The following GFRA2 variants were observed in gnomAD, a reference collection of about 807,000 sequenced individuals.
GFRA2 encodes the protein GDNF family receptor alpha 2.
GFRA2 carries 17 observed loss-of-function variants against 48.3 expected under a neutral mutation model. That is an observed-to-expected ratio of 0.35 (90% CI 0.24 to 0.53). GFRA2 has a LOEUF of 0.53. Among genes scored for constraint, GFRA2 ranks in the 20% least tolerant of loss-of-function variants. The pLI is 0.93. For missense variants in GFRA2, 660 were observed against 637.3 expected (o/e 1.04, Z -0.38); for synonymous variants, 305 against 257.2 (o/e 1.19, Z -1.78).
chr8:21,725,443 G>A (rs921392540), intron 4 of GFRA2, among the ~76,000 whole-genome samples: 11 of 152,102 alleles, frequency 7.2e-5, no homozygotes, highest in African/African-American at 2.7e-4. Context: ...TGCTGAGCCA[G>A]CCCAGACACT....
At chr8:21,791,358 C>CA (rs1398409330), upstream of GFRA2, among the ~76,000 whole-genome samples, 8 of 152,058 alleles carry the variant, frequency 5.3e-5, no homozygotes, top group Admixed American at 1.3e-4. Flanking sequence ...TAGAGAACAC[C>CA]AATCAGTCAC....
At position 21,788,095 on chromosome 8, in the gene GFRA2, G is replaced by A. The variant is rs925092090; in HGVS notation, c.40+25C>T. 74 of 757,316 alleles carry A rather than the reference G, an allele frequency of 9.8e-5. No individual in the cohort carries two copies. In the African/African-American group the frequency reaches 1.5e-3, roughly 15 times the overall value. The allele number at this position is 757,316 out of a possible 1,614,324, so 46.9% of individuals were successfully genotyped here. ...CTCCCCGGCTTCTCGCCTCCCCCTC[G>A]AGCTCGCCGCCCGCAGGTACTCACC... On this transcript the variant is annotated intron_variant, in intron 1 of 8. Coordinates refer to ENST00000524240, the MANE Select transcript of GFRA2 (RefSeq NM_001495.5).
At chr8:21,736,541 G>A (rs1804473256) in intron 4 of GFRA2, among the ~76,000 whole-genome samples, 1 of 151,910 alleles carries the variant, frequency 6.6e-6, no homozygotes, top group South Asian at 2.1e-4. Flanking sequence ...CTGTTGCTGG[G>A]CTGCAATGCA....
At chr8:21,732,810 A>G (rs1242187582) in intron 4 of GFRA2, among the ~76,000 whole-genome samples, 8 of 152,222 alleles carry the variant, frequency 5.3e-5, no homozygotes, top group Non-Finnish European at 1.2e-4. Flanking sequence ...TTCAACACAT[A>G]AGAATAGCTC....
chr8:21,801,087 T>C (rs1807761993), intron 2 of GFRA2, among the ~76,000 whole-genome samples: 1 of 151,908 alleles, frequency 6.6e-6, no homozygotes, highest in Non-Finnish European at 1.5e-5. Context: ...GACAACTCAT[T>C]AAAACAAATC....
chr8:21,802,181 C>T (rs1388548196), intron 2 of GFRA2, among the ~76,000 whole-genome samples: 1 of 152,240 alleles, frequency 6.6e-6, no homozygotes, highest in East Asian at 1.9e-4. Context: ...CCTGATTCTG[C>T]CACTTTCTAG....
chr8:21,780,999 T>G (rs1034677702), intron 2 of GFRA2: 4 of 152,056 alleles, frequency 2.6e-5, no homozygotes, highest in Non-Finnish European at 5.9e-5. Flanking sequence ...GGTAGCTCAC[T>G]CCTGTAATCC....
At position 21,750,989 on chromosome 8, in the gene GFRA2, G is replaced by A. The variant is rs374449274; in HGVS notation, c.440-47C>T. 1.5e-6 allele frequency: 2 copies of A among 1,294,642 alleles called. No individual in the cohort carries two copies. Among genetic ancestry groups the A allele is most frequent in the South Asian group, 1.3e-5 (1 of 76,792 alleles). 80.2% of individuals were successfully genotyped at this position (1,294,642 alleles called of 1,614,324 possible). On this transcript the variant is annotated intron_variant, in intron 3 of 8. Coordinates refer to ENST00000524240, the MANE Select transcript of GFRA2 (RefSeq NM_001495.5). This position sits in a 1 kb window ranked among gnomAD's most constrained non-coding sequence, Gnocchi z 5.7. Reference sequence around the variant, plus strand: ...AGGTCAGAGGCCACACAAGCATGAGGAGGACACAGCTGCCCCCTCACTGGA... The same window carrying A: ...AGGTCAGAGGCCACACAAGCATGAGAAGGACACAGCTGCCCCCTCACTGGA...
intron 4 of GFRA2, among the ~76,000 whole-genome samples, chr8:21,721,781 G>C (rs1044948857): frequency 6.6e-6 from 1 of 152,140 alleles, no homozygotes; most frequent in Non-Finnish European, 1.5e-5. Context: ...GTGGGCTGGA[G>C]CCTGCCCACC....
chr8:21,786,609 A>C (rs1807280233), intron 1 of GFRA2, among the ~76,000 whole-genome samples: 1 of 152,132 alleles, frequency 6.6e-6, no homozygotes. Context: ...TTCCTAGAGG[A>C]GCCCCTCCCA....
rs1426658366 is a variant in GFRA2, at chr8:21,691,838, G to C, written c.*1440C>G. ...CCCCCAGTGTCAAACCAGCTCCTAA[G>C]AGAGCTCCATCTACACACAATGTGG... is the stretch of plus-strand genomic sequence containing the variant. On this transcript the variant is annotated 3_prime_UTR_variant, in exon 9 of 9. Transcript: ENST00000524240. The C allele has an allele frequency of 6.6e-6, 1 of 151,774 alleles. No individual in the cohort carries two copies. The highest frequency in any genetic ancestry group is 1.5e-5 in the Non-Finnish European group (1 of 67,952). The allele number at this position is 151,774 out of a possible 1,614,324, so 9.4% of individuals were successfully genotyped here.
intron 3 of GFRA2, among the ~76,000 whole-genome samples, chr8:21,759,397 AAAGG>A (rs1385081075): frequency 8.2e-5 from 11 of 133,642 alleles, no homozygotes; most frequent in African/African-American, 2.7e-4. Flanking sequence ...AAAAAGAAAG[AAAGG>A]AAGAGAGAGA....
intron 8 of GFRA2, among the ~76,000 whole-genome samples, 185 bp from the exon 9 acceptor site, chr8:21,693,585 C>A (rs1801980987): frequency 6.6e-6 from 1 of 152,008 alleles, no homozygotes; most frequent in Non-Finnish European, 1.5e-5. Context: ...CCGGAGCTGG[C>A]CCAGGCAGGA....
At position 21,777,434 on chromosome 8, in the gene GFRA2, G is replaced by A. The variant is rs1012498372; in HGVS notation, c.356-2379C>T. Among the ~76,000 whole-genome samples the A allele has an allele frequency of 7.2e-5, 11 of 152,116 alleles. No homozygotes were observed. In the East Asian group the frequency reaches 7.7e-4, roughly 11 times the overall value. Reference sequence around the variant, plus strand: ...TGGCAGGGTGGGGACAGCCTCTTCCGGAACTGATTTGGAGGGGCCCAGCCT... The same window carrying A: ...TGGCAGGGTGGGGACAGCCTCTTCCAGAACTGATTTGGAGGGGCCCAGCCT... On this transcript the variant is annotated intron_variant, in intron 2 of 8. Transcript: ENST00000524240.
chr8:21,793,315 T>G (rs1225536878), upstream of GFRA2, among the ~76,000 whole-genome samples: 1 of 151,944 alleles, frequency 6.6e-6, no homozygotes, highest in East Asian at 1.9e-4. Context: ...AGGGGCCAAT[T>G]AGGAGGTGAT....
rs374075907 is a variant in GFRA2, at chr8:21,748,821, C to T, written c.794+1767G>A. Reference sequence around the variant, plus strand: ...TCCCCATTTCTCCAACAGCCTCCCCCGACTTGCCTCCCATCACGGCCCACT... The same window carrying T: ...TCCCCATTTCTCCAACAGCCTCCCCTGACTTGCCTCCCATCACGGCCCACT... On this transcript the variant is annotated intron_variant, in intron 4 of 8. Coordinates refer to ENST00000524240, the MANE Select transcript of GFRA2 (RefSeq NM_001495.5). Among the ~76,000 whole-genome samples, 29 of 152,326 alleles carry T rather than the reference C, an allele frequency of 1.9e-4. 1 individual carries two copies. Among genetic ancestry groups the T allele is most frequent in the South Asian group, 1.0e-3 (5 of 4,826 alleles).
intron 4 of GFRA2, among the ~76,000 whole-genome samples, chr8:21,734,707 C>T (rs764092513): frequency 2.6e-5 from 4 of 152,266 alleles, no homozygotes; most frequent in Admixed American, 6.5e-5. Flanking sequence ...TGTCTGGGTC[C>T]TGTCACTCCT....
At chr8:21,758,286 C>T (rs1805686689) in intron 3 of GFRA2, among the ~76,000 whole-genome samples, 1 of 152,088 alleles carries the variant, frequency 6.6e-6, no homozygotes, top group Admixed American at 6.5e-5. Context: ...CTGTGGCCAG[C>T]TACTGTCACC....
At chr8:21,770,960 T>C (rs1039637992) in intron 3 of GFRA2, among the ~76,000 whole-genome samples, 1 of 152,140 alleles carries the variant, frequency 6.6e-6, no homozygotes, top group Non-Finnish European at 1.5e-5. Flanking sequence ...TCATGGAGCC[T>C]GGGGATGAGG....
Sources: allele counts gnomAD v4.1 joint callset (sites outside exome capture counted in the v4.1 genomes callset), GRCh38; gene constraint gnomAD v4.1.1; non-coding constraint Gnocchi (gnomAD v3.1); transcripts MANE v1.5; gene names NCBI Gene and HGNC (gene_info 2026-07-23, HGNC 2026-07-21).